Variants in TGM1 observed in about 807,000 individuals in gnomAD.
TGM1 encodes the protein transglutaminase 1.
A neutral mutation model predicts 88.7 loss-of-function variants in TGM1; 63 were observed. That is an observed-to-expected ratio of 0.71 (90% confidence interval 0.58 to 0.88). The LOEUF is 0.88. Ranked by LOEUF, TGM1 falls within the 40% of genes least tolerant of loss-of-function variation. TGM1 has a pLI of 0.00. For synonymous variants in TGM1, 415 were observed against 431.1 expected (o/e 0.96, Z 0.46); for missense variants, 996 against 1,118.0 (o/e 0.89, Z 1.56).
rs528113103 is a variant in TGM1 at position 24,263,156 on chromosome 14, G to C, written c.-70C>G. The C allele has an allele frequency of 6.5e-6, 1 of 152,854 alleles. No individual in the cohort carries two copies. Among genetic ancestry groups the C allele is most frequent in the South Asian group, 2.1e-4 (1 of 4,838 alleles). 9.5% of individuals were successfully genotyped at this position (152,854 alleles called of 1,614,324 possible). On this transcript the variant is annotated 5_prime_UTR_variant, in exon 1 of 15. Transcript: ENST00000206765. ...GAGATGGAACAGGTCAGGATGGATGGGACAGGACCCACAGACTGGATGCCG... is the reference window on the plus strand; with the variant it reads ...GAGATGGAACAGGTCAGGATGGATGCGACAGGACCCACAGACTGGATGCCG...
At chr14:24,256,941 A>G (rs896267080) in intron 9 of TGM1, among the ~76,000 whole-genome samples, 2 of 152,178 alleles carry the variant, frequency 1.3e-5, no homozygotes, top group African/African-American at 2.4e-5. Context: ...TATGGTATCT[A>G]TTACCCCAAA....
At chr14:24,260,972 C>T (rs2040804149) in intron 3 of TGM1, among the ~76,000 whole-genome samples, 1 of 152,192 alleles carries the variant, frequency 6.6e-6, no homozygotes, top group South Asian at 2.1e-4. Flanking sequence ...GGGCTCCTGT[C>T]ACCTTCTGCC....
intron 14 of TGM1, 118 bp downstream of exon 14, chr14:24,254,034 T>G (rs2040722395): frequency 1.4e-6 from 2 of 1,430,734 alleles, no homozygotes; most frequent in Non-Finnish European, 1.9e-6. Flanking sequence ...CCAACCTGCT[T>G]GGTTGGGTCC....
intron 4 of TGM1, 41 bp from the exon 5 acceptor site, chr14:24,260,099 T>G (rs767384618): frequency 1.3e-6 from 2 of 1,566,080 alleles, no homozygotes; most frequent in Admixed American, 1.7e-5. Flanking sequence ...CCTCCAGTTC[T>G]CTCCCTGGGC....
At chr14:24,258,496 C>G (rs772603059) in intron 8 of TGM1, 39 bp downstream of exon 8, 3 of 1,610,860 alleles carry the variant, frequency 1.9e-6, no homozygotes, top group Admixed American at 3.3e-5. Context: ...GCTCAGGTCA[C>G]CATTCTTCAG....
rs765258731 is a variant in TGM1, at chr14:24,254,717, C to T, written c.2035G>A (p.Val679Met). 8.7e-6 allele frequency: 14 copies of T among 1,613,908 alleles called. No individual in the cohort carries two copies. The highest frequency in any genetic ancestry group is 1.2e-5 in the Non-Finnish European group (14 of 1,180,048). ...CGGAAGGTGTGCTGCTTGGCCAGCA[C>T]CTGCCCGCTCTCCTTGACGTGGCCT... ...VSGHVKESGQ[V>M]LAKQHTFRLR... The change falls in exon 13 of 15, where the codon GTG (valine) becomes ATG (methionine). Residue 679 changes from valine to methionine, a missense_variant. Transcript: ENST00000206765.
rs199735949 is a variant in TGM1 at position 24,254,975 on chromosome 14, C to A, written c.1924G>T (p.Ala642Ser). ...TKKEVELAPGASDRVTMPVAY... is the reference protein window; with the variant it reads ...TKKEVELAPGSSDRVTMPVAY... ...GGGCTGGGTAAGGAGCACTTACAGG[C>A]CCCTGGTGCCAGCTCCACTTCCTTC... The change falls in exon 12 of 15, where the codon GCC becomes TCC. Residue 642 changes from alanine to serine, a missense_variant. By Grantham distance (99) the Ala-to-Ser change is moderately conservative. Coordinates refer to ENST00000206765, the MANE Select transcript of TGM1 (RefSeq NM_000359.3). 26 of 1,613,618 alleles carry A rather than the reference C, an allele frequency of 1.6e-5. No individual in the cohort carries two copies. The highest frequency in any genetic ancestry group is 1.7e-4 in the Middle Eastern group (1 of 6,042).
rs1435839439 is a variant in TGM1 at position 24,255,393 on chromosome 14, T to C, written c.1616A>G (p.Asp539Gly). ...TGGGTGCTTATAGAGGTAGGTGATG[T>C]CCTCCCGCATGTTGGAGCTGATGGC... ...TKAISSNMREDITYLYKHPEG... is the reference protein window; with the variant it reads ...TKAISSNMREGITYLYKHPEG... Residue 539 changes from aspartate to glycine, a missense_variant, in exon 11 of 15, where the codon GAC (aspartate) becomes GGC (glycine). By Grantham distance (94) the Asp-to-Gly change is moderately conservative. Coordinates refer to ENST00000206765, the MANE Select transcript of TGM1 (RefSeq NM_000359.3). This position sits in a 1 kb window ranked among gnomAD's most constrained non-coding sequence, Gnocchi z 4.0. The C allele has an allele frequency of 1.2e-6, 2 of 1,613,982 alleles. No homozygotes were observed. The highest frequency in any genetic ancestry group is 1.7e-6 in the Non-Finnish European group (2 of 1,180,028).
rs547714904 is a variant in TGM1 at position 24,262,067 on chromosome 14, C to G, written c.286G>C (p.Gly96Arg). Residue 96 changes from glycine to arginine, a missense_variant, in exon 2 of 15, where the codon GGT becomes CGT. Transcript: ENST00000206765. ...DSRRPVSRGS[G>R]VNAAGDGTIR... ...GTGCCATCTCCAGCTGCATTGACAC[C>G]GCTGCCCCGGGATACAGGCCGGCGG... 1.2e-6 allele frequency: 2 copies of G among 1,613,676 alleles called. No individual in the cohort carries two copies. Among genetic ancestry groups the G allele is most frequent in the South Asian group, 2.2e-5 (2 of 91,076 alleles).
intron 14 of TGM1, 159 bp downstream of exon 14, chr14:24,253,993 G>T: frequency 1.0e-6 from 1 of 972,654 alleles, no homozygotes; most frequent in Non-Finnish European, 1.6e-6. Context: ...TGGTGGGACT[G>T]AGCTGGGCCG....
In TGM1 at chr14:24,259,882, C is replaced by T. The variant is rs2040792737; in HGVS notation, c.876+58G>A. On this transcript the variant is annotated intron_variant, in intron 5 of 14. Coordinates refer to ENST00000206765, the MANE Select transcript of TGM1 (RefSeq NM_000359.3). This position sits in a 1 kb window ranked among gnomAD's most constrained non-coding sequence, Gnocchi z 5.7. The stretch of plus-strand genomic sequence containing the variant: ...CCAGCACCCTGCTCCAATACCCCAG[C>T]CCCCACACCCACCCCAGCTCCTCTG... 3.7e-6 allele frequency: 6 copies of T among 1,607,096 alleles called. No homozygotes were observed. Among genetic ancestry groups the T allele is most frequent in the South Asian group, 3.3e-5 (3 of 90,960 alleles).
At chr14:24,262,477 A>G (rs540253603) in intron 1 of TGM1, 123 bp from the exon 2 acceptor site, 193 of 1,078,820 alleles carry the variant, frequency 1.8e-4, no homozygotes, top group Non-Finnish European at 2.5e-4. Context: ...ACCTTGGCCC[A>G]GAGATTCTCC....
chr14:24,253,360 G>A (rs1035061055), intron 14 of TGM1, among the ~76,000 whole-genome samples: 2 of 152,192 alleles, frequency 1.3e-5, no homozygotes, highest in African/African-American at 2.4e-5. Context: ...GAGAGAAGTC[G>A]CTTGCCCAAG....
At position 24,254,382 on chromosome 14, in the gene TGM1, G is replaced by T. The variant is rs560849371; in HGVS notation, c.2089-94C>A. ...ACCAGAGAGGGGAAGCTGCTTAGAAGCAAAACCTCCCCGAGTCCCACATTT... is the reference window on the plus strand; with the variant it reads ...ACCAGAGAGGGGAAGCTGCTTAGAATCAAAACCTCCCCGAGTCCCACATTT... On this transcript the variant is annotated intron_variant, in intron 13 of 14. Coordinates refer to ENST00000206765, the MANE Select transcript of TGM1 (RefSeq NM_000359.3). 14 of 1,581,784 alleles carry T rather than the reference G, an allele frequency of 8.9e-6. No individual in the cohort carries two copies. The African/African-American group carries it at 1.5e-4, about 17-fold the overall frequency.
Position 24,255,152 on chromosome 14 carries a change from C to T in TGM1, c.1747G>A (p.Val583Met), listed in dbSNP as rs2040738532. 1.2e-6 allele frequency: 2 copies of T among 1,614,120 alleles called. No individual in the cohort carries two copies. Among genetic ancestry groups the T allele is most frequent in the Non-Finnish European group, 1.7e-6 (2 of 1,180,044 alleles). Residue 583 changes from valine (V) to methionine (M), a missense_variant, in exon 12 of 15, where the codon GTG becomes ATG. Physicochemically the swap from Val to Met is conservative, Grantham distance 21 (BLOSUM62 1). Transcript: ENST00000206765. The surrounding 1 kb of genome is among the most constrained non-coding windows in gnomAD (Gnocchi z 4.0). ...RGSAEDVAMQ[V>M]EAQDAVMGQD... ...CCCATCACCGCGTCCTGTGCCTCCA[C>T]CTGCATGGCCACATCCTCCGCTGAG...
rs1389343453 is a variant in TGM1, at chr14:24,259,524, C to T, written c.984+180G>A. Among the ~76,000 whole-genome samples the T allele has an allele frequency of 6.6e-6, 1 of 152,024 alleles. No individual in the cohort carries two copies. The highest frequency in any genetic ancestry group is 2.4e-5 in the African/African-American group (1 of 41,384). On this transcript the variant is annotated intron_variant, in intron 6 of 14. Coordinates refer to ENST00000206765, the MANE Select transcript of TGM1 (RefSeq NM_000359.3). This position sits in a 1 kb window ranked among gnomAD's most constrained non-coding sequence, Gnocchi z 5.7. ...GAGCTGGGACAGGAGCCAGGAAAGG[C>T]GGGGTGGGGGGCAGGCAAGGGAGAG...
intron 3 of TGM1, among the ~76,000 whole-genome samples, chr14:24,261,183 A>G (rs964525194): frequency 1.3e-5 from 2 of 152,174 alleles, no homozygotes; most frequent in Middle Eastern, 3.2e-3. Flanking sequence ...ATCAAAGGGT[A>G]AAAGGAGTCA....
Position 24,254,265 on chromosome 14 carries a change from G to A in TGM1, c.2112C>T (p.Gly704=), listed in dbSNP as rs757321874. The A allele has an allele frequency of 6.2e-7, 1 of 1,614,054 alleles. No individual in the cohort carries two copies. Among genetic ancestry groups the A allele is most frequent in the Non-Finnish European group, 8.5e-7 (1 of 1,180,016 alleles). ...SLTLLGAAVV[G]QECEVQIVFK... is the part of the protein sequence containing the mutation. ...AGACAATCTGTACTTCACACTCCTG[G>A]CCAACCACTGCTGCTCCCAGTAACT... is the stretch of plus-strand genomic sequence containing the variant. The change falls in exon 14 of 15, where the codon GGC becomes GGT. Residue 704 remains glycine (G), a synonymous_variant. Coordinates refer to ENST00000206765, the MANE Select transcript of TGM1 (RefSeq NM_000359.3).
chr14:24,258,748 G>A, intron 7 of TGM1, 75 bp from the exon 8 acceptor site: 2 of 1,591,924 alleles, frequency 1.3e-6, no homozygotes, highest in African/African-American at 1.3e-5. Flanking sequence ...AGTATCAGGG[G>A]GAGAAGGGCA....
Sources: allele counts gnomAD v4.1 joint callset (sites outside exome capture counted in the v4.1 genomes callset), GRCh38; gene constraint gnomAD v4.1.1; non-coding constraint Gnocchi (gnomAD v3.1); transcripts MANE v1.5; gene names NCBI Gene and HGNC (gene_info 2026-07-23, HGNC 2026-07-21).